The following BICC1 variants were observed in gnomAD, a reference collection of about 807,000 sequenced individuals.
The protein encoded by BICC1 is BicC family RNA binding protein 1, also known as protein bicaudal C homolog 1.
In BICC1, 43 loss-of-function variants were observed where a neutral mutation model predicts 111.0. That is an observed-to-expected ratio of 0.39 (90% confidence interval 0.30 to 0.50). BICC1 has a LOEUF of 0.50. Among genes scored for constraint, BICC1 ranks in the 20% least tolerant of loss-of-function variants. The pLI is 0.88. For synonymous variants in BICC1, 467 were observed against 434.4 expected, an observed-to-expected ratio of 1.07 and a Z score of -0.93; for missense variants, 1,091 against 1,203.2, an observed-to-expected ratio of 0.91 and a Z score of 1.38.
At position 58,716,200 on chromosome 10, in the gene BICC1, A is replaced by C. The variant is rs534556969; in HGVS notation, c.307+14057A>C. Reference sequence around the variant, plus strand: ...GAAGAAAAGCAGTGAAGAACGAGAAAAAGCAACAGAAAAAACAAAAAAGAA... The same window carrying C: ...GAAGAAAAGCAGTGAAGAACGAGAACAAGCAACAGAAAAAACAAAAAAGAA... On this transcript the variant is annotated intron_variant, in intron 3 of 20. Coordinates refer to ENST00000373886, the MANE Select transcript of BICC1 (RefSeq NM_001080512.3). 2.5e-5 allele frequency: 37 copies of C among 1,501,176 alleles called. No individual in the cohort carries two copies. In the South Asian group the frequency reaches 4.3e-4, roughly 18 times the overall value. 93.0% of individuals were successfully genotyped at this position (1,501,176 alleles called of 1,614,324 possible).
chr10:58,588,011 G>A (rs1844484591), intron 1 of BICC1, among the ~76,000 whole-genome samples: 1 of 152,126 alleles, frequency 6.6e-6, no homozygotes, highest in Admixed American at 6.5e-5. Context: ...AGATATCTTT[G>A]AACAGACACA....
At position 58,829,958 on chromosome 10, in the gene BICC1, C is replaced by T. The variant is rs549701509; in HGVS notation, c.*1067C>T. Reference sequence around the variant, plus strand: ...AAAGACAAATAATCATCTGACAAGACAGCACTGTTGCCATTATAAGGAGAA... The same window carrying T: ...AAAGACAAATAATCATCTGACAAGATAGCACTGTTGCCATTATAAGGAGAA... On this transcript the variant is annotated 3_prime_UTR_variant, in exon 21 of 21. Coordinates refer to ENST00000373886, the MANE Select transcript of BICC1 (RefSeq NM_001080512.3). The T allele has an allele frequency of 6.6e-6, 1 of 152,150 alleles. No individual in the cohort carries two copies. The highest frequency in any genetic ancestry group is 1.5e-5 in the Non-Finnish European group (1 of 68,032). The allele number at this position is 152,150 out of a possible 1,614,324, so 9.4% of individuals were successfully genotyped here. A position where few individuals can be genotyped will look rare whatever the true frequency, so the allele number is the denominator to read the frequency against.
intron 2 of BICC1, among the ~76,000 whole-genome samples, chr10:58,625,363 C>T (rs1054719298): frequency 2.0e-5 from 3 of 152,134 alleles, no homozygotes; most frequent in East Asian, 3.9e-4. Flanking sequence ...GATTGTATTA[C>T]ACATGTGACT....
intron 1 of BICC1, among the ~76,000 whole-genome samples, chr10:58,565,876 T>G (rs1400693527): frequency 6.6e-6 from 1 of 152,078 alleles, no homozygotes; most frequent in East Asian, 1.9e-4. Context: ...CATGCATAAG[T>G]TCTTTAGTGG....
intron 3 of BICC1, among the ~76,000 whole-genome samples, chr10:58,771,293 A>G (rs1842616995): frequency 6.6e-6 from 1 of 152,188 alleles, no homozygotes; most frequent in African/African-American, 2.4e-5. Context: ...TAAAGGCACA[A>G]AAATTATGAG....
chr10:58,711,538 G>A (rs191931881), intron 3 of BICC1, among the ~76,000 whole-genome samples: 1 of 152,274 alleles, frequency 6.6e-6, no homozygotes, highest in Admixed American at 6.5e-5. Flanking sequence ...CATTTTACAG[G>A]TGAGACAGCT....
At position 58,796,490 on chromosome 10, in the gene BICC1, A is replaced by G. The variant is rs146437645; in HGVS notation, c.1330A>G (p.Ile444Val). 2 of 1,614,014 alleles carry G rather than the reference A, an allele frequency of 1.2e-6. No homozygotes were observed. Among genetic ancestry groups the G allele is most frequent in the Non-Finnish European group, 1.7e-6 (2 of 1,179,954 alleles). ...PAGLACPSLD[I>V]LASAGLGLTG... ...CGGCCTGGCATGTCCCAGCCTGGAT[A>G]TCTTAGCTTCAGCAGGCCTTGGACT... The change falls in exon 10 of 21, where the codon ATC becomes GTC. Residue 444 changes from isoleucine to valine, a missense_variant. Coordinates refer to ENST00000373886, the MANE Select transcript of BICC1 (RefSeq NM_001080512.3).
intron 2 of BICC1, among the ~76,000 whole-genome samples, chr10:58,666,025 A>G (rs1056866392): frequency 3.9e-5 from 6 of 152,198 alleles, no homozygotes; most frequent in African/African-American, 1.4e-4. Context: ...GATATATTAT[A>G]TTGGTAAAAT....
intron 1 of BICC1, 136 bp downstream of exon 1, chr10:58,513,469 G>A (rs1589050739): frequency 1.2e-6 from 1 of 825,212 alleles, no homozygotes; most frequent in African/African-American, 1.8e-5. Flanking sequence ...CCCCCGCGGA[G>A]CCGGAGGACA....
At chr10:58,549,912 AC>A (rs1310786868) in intron 1 of BICC1, among the ~76,000 whole-genome samples, 1 of 151,632 alleles carries the variant, frequency 6.6e-6, no homozygotes, top group Non-Finnish European at 1.5e-5. Flanking sequence ...GGTCTTGAAC[AC>A]CTTTACCTCA....
rs368536375 is a variant in BICC1 at position 58,611,638 on chromosome 10, G to GATT, written c.191-9198_191-9196dup. On this transcript the variant is annotated intron_variant, in intron 1 of 20. Transcript: ENST00000373886. ...TTACAGGCATGCTCTACCACTCCCA[G>GATT]ATTATTATTATTATTATTATTTTGT... Among the ~76,000 whole-genome samples the GATT allele has an allele frequency of 2.8e-3, 430 of 151,414 alleles. 5 individuals are homozygous for GATT. Among genetic ancestry groups the GATT allele is most frequent in the Middle Eastern group, 0.017 (5 of 294 alleles).
At chr10:58,660,598 G>T (rs1039394668) in intron 2 of BICC1, among the ~76,000 whole-genome samples, 1 of 152,040 alleles carries the variant, frequency 6.6e-6, no homozygotes, top group Non-Finnish European at 1.5e-5. Context: ...GATCCTCAGT[G>T]TATTAACTTT....
chr10:58,667,121 C>A (rs553878205), intron 2 of BICC1, among the ~76,000 whole-genome samples: 41 of 152,148 alleles, frequency 2.7e-4, no homozygotes, highest in Admixed American at 2.5e-3. Context: ...ACTAGGATTT[C>A]ATTTTATTTT....
At chr10:58,518,769 G>A (rs1230492802) in intron 1 of BICC1, among the ~76,000 whole-genome samples, 3 of 152,168 alleles carry the variant, frequency 2.0e-5, no homozygotes, top group African/African-American at 7.2e-5. Flanking sequence ...CCCAGGAGCT[G>A]CTTTCAGACT....
intron 3 of BICC1, among the ~76,000 whole-genome samples, chr10:58,759,875 C>T (rs971495312): frequency 1.3e-5 from 2 of 150,346 alleles, no homozygotes; most frequent in Non-Finnish European, 3.0e-5. Context: ...AGGGGAATGG[C>T]GTGGACCTGG....
chr10:58,779,732 A>T (rs2132759846), intron 3 of BICC1, among the ~76,000 whole-genome samples: 1 of 152,312 alleles, frequency 6.6e-6, no homozygotes, highest in South Asian at 2.1e-4. Context: ...TATTTTTACC[A>T]CATCATAAAG....
chr10:58,767,607 G>T (rs747444216), intron 3 of BICC1, among the ~76,000 whole-genome samples: 2 of 151,994 alleles, frequency 1.3e-5, no homozygotes, highest in Non-Finnish European at 2.9e-5. Flanking sequence ...CAAATTACCC[G>T]ACAAGGAATT....
intron 1 of BICC1, among the ~76,000 whole-genome samples, chr10:58,618,238 G>T (rs573673493): frequency 6.6e-6 from 1 of 152,190 alleles, no homozygotes; most frequent in Non-Finnish European, 1.5e-5. Context: ...CTTGGCCTAG[G>T]GGGTGGAGTG....
chr10:58,690,201 C>T (rs1162174286), intron 2 of BICC1, among the ~76,000 whole-genome samples: 2 of 152,222 alleles, frequency 1.3e-5, no homozygotes, highest in Non-Finnish European at 2.9e-5. Context: ...CAGAGGCAGT[C>T]GTGCCCACCA....
Sources: gnomAD v4.1 joint callset for allele counts (sites outside exome capture counted in the v4.1 genomes callset) on GRCh38, gnomAD v4.1.1 for gene constraint, MANE v1.5 for transcripts, NCBI Gene and HGNC (gene_info 2026-07-23, HGNC 2026-07-21) for gene names.